Variants in XRN2 observed in about 807,000 individuals in gnomAD.
XRN2 encodes 5'-3' exoribonuclease 2.
In XRN2, 44 loss-of-function variants were observed where a neutral mutation model predicts 138.5. That is an observed-to-expected ratio of 0.32 (90% CI 0.25 to 0.41). XRN2 has a LOEUF of 0.41. XRN2 is among the 10% of genes least tolerant of loss of function. The probability of loss-of-function intolerance (pLI) is 1.00; values close to 1 mark genes in which losing one functional copy is unlikely to be tolerated. For synonymous variants in XRN2, 354 were observed against 369.4 expected, an observed-to-expected ratio of 0.96 and a Z score of 0.48; for missense variants, 937 against 1,169.3, an observed-to-expected ratio of 0.80 and a Z score of 2.90.
intron 1 of XRN2, among the ~76,000 whole-genome samples, chr20:21,324,497 C>CTT (rs11482123): frequency 0.049 from 7,160 of 145,330 alleles, 223 homozygotes; most frequent in East Asian, 0.13. Context: ...TGTATATGTT[C>CTT]TTTTTTTTTT....
At chr20:21,342,734 A>G (rs992085947) in intron 15 of XRN2, among the ~76,000 whole-genome samples, 3 of 152,214 alleles carry the variant, frequency 2.0e-5, no homozygotes, top group African/African-American at 4.8e-5. Context: ...AATCCTTGCA[A>G]TAACTTGTAA....
intron 22 of XRN2, 72 bp downstream of exon 22, chr20:21,356,249 T>A: frequency 5.0e-6 from 6 of 1,203,376 alleles, no homozygotes; most frequent in Non-Finnish European, 5.9e-6. Context: ...AACATAAAAT[T>A]TACCATTATA....
intron 27 of XRN2, among the ~76,000 whole-genome samples, chr20:21,372,144 A>G (rs1012015234): frequency 6.6e-6 from 1 of 152,248 alleles, no homozygotes; most frequent in African/African-American, 2.4e-5. Context: ...GCAAGAAACA[A>G]GTACCCTCTG....
chr20:21,340,567 A>G (rs1193253566), intron 14 of XRN2, among the ~76,000 whole-genome samples, 154 bp from the exon 15 acceptor site: 1 of 152,232 alleles, frequency 6.6e-6, no homozygotes, highest in East Asian at 1.9e-4. Flanking sequence ...AAGTGTAGAC[A>G]ACCTTGTAAT....
chr20:21,354,872 A>G lies in XRN2; in HGVS notation c.2020A>G (p.Thr674Ala). The change falls in exon 21 of 30, where the codon ACC becomes GCC. Residue 674 changes from threonine (T) to alanine (A), a missense_variant and splice_region_variant. Transcript: ENST00000377191. Reference sequence around the variant, plus strand: ...ATACCCAGACCTCACTCCAGAAGAGAGTAAGAATTATACTTCTTAGTTAAC... The same window carrying G: ...ATACCCAGACCTCACTCCAGAAGAGGGTAAGAATTATACTTCTTAGTTAAC... ...EVYPDLTPEETRRNSLGGDVL... is the reference protein window; with the variant it reads ...EVYPDLTPEEARRNSLGGDVL... 6.2e-7 allele frequency: 1 copy of G among 1,612,142 alleles called. No homozygotes were observed. Among genetic ancestry groups the G allele is most frequent in the Non-Finnish European group, 8.5e-7 (1 of 1,178,722 alleles).
intron 1 of XRN2, among the ~76,000 whole-genome samples, chr20:21,323,984 G>A (rs920099315): frequency 4.6e-5 from 7 of 152,198 alleles, no homozygotes; most frequent in Admixed American, 1.3e-4. Context: ...CAAAGAATGA[G>A]TTTTGATTTT....
chr20:21,331,422 CA>C, intron 6 of XRN2, 138 bp from the exon 7 acceptor site: 1 of 686,212 alleles, frequency 1.5e-6, no homozygotes, highest in Non-Finnish European at 2.5e-6. Flanking sequence ...CACACACACA[CA>C]CACACACACA....
intron 1 of XRN2, among the ~76,000 whole-genome samples, chr20:21,313,657 G>A (rs1214203610): frequency 1.3e-5 from 2 of 152,172 alleles, no homozygotes; most frequent in Non-Finnish European, 2.9e-5. Flanking sequence ...CCAAGTAAAG[G>A]CAGAGATGTT....
intron 20 of XRN2, 108 bp downstream of exon 20, chr20:21,349,569 C>G (rs1397522370): frequency 2.1e-6 from 2 of 944,366 alleles, no homozygotes; most frequent in East Asian, 5.1e-5. Context: ...ATGGTGAAAT[C>G]TCATTTCTAC....
chr20:21,332,482 ATCT>A, intron 9 of XRN2, 42 bp downstream of exon 9: 3 of 1,530,160 alleles, frequency 2.0e-6, no homozygotes, highest in Non-Finnish European at 2.6e-6. Flanking sequence ...AAAAAAAAAA[ATCT>A]ATTGTGGTAA....
Position 21,365,283 on chromosome 20 carries a change from A to G in XRN2, c.2256-138A>G, listed in dbSNP as rs578079659. 4.2e-6 allele frequency: 3 copies of G among 717,702 alleles called. No individual in the cohort carries two copies. The East Asian group carries it at 8.6e-5, about 21-fold the overall frequency. The allele number at this position is 717,702 out of a possible 1,614,324, so 44.5% of individuals were successfully genotyped here. On this transcript the variant is annotated intron_variant, in intron 24 of 29. Transcript: ENST00000377191. ...AATTAGAGACAGTTTGGTGAGGAAG[A>G]CATTTAGCCATTTGTCAAACCCATT...
chr20:21,343,059 T>C (rs2038392022), intron 15 of XRN2, among the ~76,000 whole-genome samples: 1 of 152,172 alleles, frequency 6.6e-6, no homozygotes, highest in Non-Finnish European at 1.5e-5. Flanking sequence ...TCTTGACCTG[T>C]GGTATGAACT....
intron 27 of XRN2, among the ~76,000 whole-genome samples, chr20:21,377,964 C>T (rs919788328): frequency 6.6e-5 from 10 of 152,104 alleles, no homozygotes; most frequent in Non-Finnish European, 1.3e-4. Flanking sequence ...CTCGACAGAC[C>T]GGCTGATCTC....
chr20:21,333,924 C>T lies in XRN2; in HGVS notation c.1068-13C>T. 4 of 1,614,082 alleles carry T rather than the reference C, an allele frequency of 2.5e-6. No homozygotes were observed. In the South Asian group the frequency reaches 3.3e-5, roughly 13 times the overall value. Reference sequence around the variant, plus strand: ...ACTGGTCCTAATGCATAATGTTTGTCTCTTGCTGACAGGGAAAATGCAATT... The same window carrying T: ...ACTGGTCCTAATGCATAATGTTTGTTTCTTGCTGACAGGGAAAATGCAATT... On this transcript the variant is annotated splice_polypyrimidine_tract_variant and intron_variant, in intron 11 of 29. Coordinates refer to ENST00000377191, the MANE Select transcript of XRN2 (RefSeq NM_012255.5).
intron 26 of XRN2, among the ~76,000 whole-genome samples, 154 bp downstream of exon 26, chr20:21,365,858 A>G (rs888294817): frequency 2.0e-4 from 17 of 84,562 alleles, no homozygotes; most frequent in African/African-American, 7.6e-4. Context: ...AATTACATAT[A>G]TAATATATAA....
rs2038274053 is a variant in XRN2 at position 21,335,527 on chromosome 20, A to G, written c.1233+1342A>G. ...TATGTAACATAGTGGGTTGACTGTA[A>G]GCATTCTTTCCAAAAGCCTTCAGTA... is the stretch of plus-strand genomic sequence containing the variant. On this transcript the variant is annotated intron_variant, in intron 13 of 29. Coordinates refer to ENST00000377191, the MANE Select transcript of XRN2 (RefSeq NM_012255.5). Among the ~76,000 whole-genome samples, 3 of 152,322 alleles carry G rather than the reference A, an allele frequency of 2.0e-5. No individual in the cohort carries two copies. In the South Asian group the frequency reaches 6.2e-4, roughly 32 times the overall value.
intron 26 of XRN2, 117 bp from the exon 27 acceptor site, chr20:21,368,346 T>C: frequency 1.6e-6 from 2 of 1,287,442 alleles, no homozygotes; most frequent in Non-Finnish European, 1.1e-6. Context: ...TTGTATTATC[T>C]TAATCAGATC....
At chr20:21,305,379 G>T (rs1381086509) in intron 1 of XRN2, among the ~76,000 whole-genome samples, 1 of 151,978 alleles carries the variant, frequency 6.6e-6, no homozygotes, top group African/African-American at 2.4e-5. Context: ...CTGCCACAGC[G>T]TCCAGAGCAG....
intron 27 of XRN2, among the ~76,000 whole-genome samples, chr20:21,370,244 T>C (rs2038746783): frequency 2.0e-5 from 3 of 152,222 alleles, no homozygotes; most frequent in Admixed American, 2.0e-4. Flanking sequence ...ACCATACTGT[T>C]GTGGTTACTA....
Sources: allele counts gnomAD v4.1 joint callset (sites outside exome capture counted in the v4.1 genomes callset), GRCh38; gene constraint gnomAD v4.1.1; transcripts MANE v1.5; gene names NCBI Gene and HGNC (gene_info 2026-07-23, HGNC 2026-07-21).